The following CDH12 variants were observed in gnomAD, a reference collection of about 807,000 sequenced individuals.
CDH12 encodes cadherin 12.
A neutral mutation model predicts 74.1 loss-of-function variants in CDH12; 41 were observed. That is an observed-to-expected ratio of 0.55 (90% CI 0.43 to 0.72). CDH12 has a LOEUF of 0.72. Ranked by LOEUF, CDH12 falls within the 30% of genes least tolerant of loss-of-function variation. The pLI is 0.00. For missense variants in CDH12, 945 were observed against 977.2 expected (o/e 0.97, Z 0.44); for synonymous variants, 399 against 355.0 (o/e 1.12, Z -1.39).
At chr5:22,724,096 C>T (rs1281753343) in intron 1 of CDH12, among the ~76,000 whole-genome samples, 1 of 151,580 alleles carries the variant, frequency 6.6e-6, no homozygotes, top group African/African-American at 2.4e-5. Flanking sequence ...AACTTAGGTA[C>T]CCTGGAATTG....
intron 4 of CDH12, among the ~76,000 whole-genome samples, chr5:22,158,037 C>T (rs1748132140): frequency 1.3e-5 from 2 of 151,808 alleles, no homozygotes; most frequent in Admixed American, 1.3e-4. Flanking sequence ...GTACTCATAC[C>T]TAGTCATGAG....
intron 9 of CDH12, among the ~76,000 whole-genome samples, chr5:21,808,311 C>T (rs778426949): frequency 3.9e-5 from 6 of 151,962 alleles, no homozygotes; most frequent in Admixed American, 3.3e-4. Context: ...TCACTGTAGC[C>T]GTGGTTTTGT....
At chr5:22,615,816 T>G (rs990439658) in intron 1 of CDH12, among the ~76,000 whole-genome samples, 2 of 152,086 alleles carry the variant, frequency 1.3e-5, no homozygotes, top group Admixed American at 1.3e-4. Context: ...TACCAGATAA[T>G]GAATGTATGG....
intron 2 of CDH12, among the ~76,000 whole-genome samples, chr5:22,410,533 G>A (rs908315449): frequency 1.3e-5 from 2 of 151,976 alleles, no homozygotes; most frequent in African/African-American, 4.8e-5. Context: ...ACTTCTACAT[G>A]GCTATCTATA....
At chr5:21,776,141 T>A (rs1437765120) in intron 11 of CDH12, among the ~76,000 whole-genome samples, 1 of 152,212 alleles carries the variant, frequency 6.6e-6, no homozygotes, top group Non-Finnish European at 1.5e-5. Context: ...GCTGCCATGT[T>A]ACAAACTGCT....
chr5:22,721,766 T>C (rs1743904101), intron 1 of CDH12, among the ~76,000 whole-genome samples: 1 of 152,164 alleles, frequency 6.6e-6, no homozygotes, highest in East Asian at 1.9e-4. Context: ...GGCAGCTTTT[T>C]CCAATGCTGT....
At chr5:22,215,172 G>A (rs1385111452) in intron 3 of CDH12, among the ~76,000 whole-genome samples, 5 of 134,482 alleles carry the variant, frequency 3.7e-5, no homozygotes, top group African/African-American at 1.0e-4. Flanking sequence ...GCTCTGAGAA[G>A]TTAAGCAAAT....
At chr5:22,592,800 G>T (rs1374580319) in intron 1 of CDH12, among the ~76,000 whole-genome samples, 3 of 151,242 alleles carry the variant, frequency 2.0e-5, no homozygotes, top group Non-Finnish European at 4.4e-5. Context: ...CAGCACTTTG[G>T]GAGCGGATCA....
intron 1 of CDH12, among the ~76,000 whole-genome samples, chr5:22,644,852 C>G (rs1739353539): frequency 6.6e-6 from 1 of 151,928 alleles, no homozygotes; most frequent in African/African-American, 2.4e-5. Context: ...TTCTGAAAAT[C>G]CTAGGGCCTT....
At chr5:22,529,165 GTATATATA>G (rs375609140) in intron 1 of CDH12, among the ~76,000 whole-genome samples, 40 of 75,712 alleles carry the variant, frequency 5.3e-4, no homozygotes, top group African/African-American at 1.7e-3. Context: ...ATACACATGT[GTATATATA>G]TATATATATA....
At chr5:22,248,103 C>T (rs1753018364) in intron 3 of CDH12, among the ~76,000 whole-genome samples, 1 of 152,112 alleles carries the variant, frequency 6.6e-6, no homozygotes, top group African/African-American at 2.4e-5. Flanking sequence ...TCGAAACCAG[C>T]CTGGCCAACA....
chr5:22,751,175 G>A lies in CDH12; in HGVS notation c.-523+101883C>T, dbSNP rs186073704. Among the ~76,000 whole-genome samples, 340 of 151,630 alleles carry A rather than the reference G, an allele frequency of 2.2e-3. 1 individual carries two copies. Among genetic ancestry groups the A allele is most frequent in the African/African-American group, 7.9e-3 (329 of 41,390 alleles). On this transcript the variant is annotated intron_variant, in intron 1 of 14. Coordinates refer to ENST00000382254, the MANE Select transcript of CDH12 (RefSeq NM_004061.5). ...AATTTGCAGGAAAAGTAACGTTTGGGTAATACCTTAAAGAGGCGGCAAGAT... is the reference window on the plus strand; with the variant it reads ...AATTTGCAGGAAAAGTAACGTTTGGATAATACCTTAAAGAGGCGGCAAGAT...
intron 3 of CDH12, among the ~76,000 whole-genome samples, chr5:22,237,467 A>T (rs1004975609): frequency 2.6e-5 from 4 of 152,098 alleles, no homozygotes; most frequent in Admixed American, 1.3e-4. Flanking sequence ...AGGGCAGACA[A>T]ATGTGATGTG....
chr5:21,991,288 C>A (rs552042040), intron 5 of CDH12, among the ~76,000 whole-genome samples: 1 of 151,734 alleles, frequency 6.6e-6, no homozygotes, highest in African/African-American at 2.4e-5. Flanking sequence ...AATAGAGTAA[C>A]TCCATTTAAT....
chr5:22,230,293 T>A (rs1469480245), intron 3 of CDH12, among the ~76,000 whole-genome samples: 2 of 152,080 alleles, frequency 1.3e-5, no homozygotes, highest in Non-Finnish European at 2.9e-5. Context: ...TATTTATGAC[T>A]ACTTTCCAGT....
intron 5 of CDH12, among the ~76,000 whole-genome samples, chr5:22,004,999 T>G (rs901149210): frequency 6.6e-6 from 1 of 152,198 alleles, no homozygotes; most frequent in African/African-American, 2.4e-5. Flanking sequence ...GGATGGTATA[T>G]GTACCATATT....
intron 3 of CDH12, among the ~76,000 whole-genome samples, chr5:22,373,277 C>A (rs1479627213): frequency 3.3e-5 from 5 of 152,174 alleles, no homozygotes; most frequent in Admixed American, 6.5e-5. Context: ...CTGGCATGAG[C>A]CACCTGTGTG....
chr5:22,745,153 G>A (rs1745228600), intron 1 of CDH12, among the ~76,000 whole-genome samples: 1 of 151,850 alleles, frequency 6.6e-6, no homozygotes, highest in African/African-American at 2.4e-5. Flanking sequence ...ATAAAGTCAG[G>A]AAAATCACGT....
intron 3 of CDH12, among the ~76,000 whole-genome samples, chr5:22,244,735 G>GA (rs1561250971): frequency 4.5e-4 from 51 of 112,360 alleles, no homozygotes; most frequent in African/African-American, 1.6e-3. Context: ...GAAAAAGAAA[G>GA]AAAGAAAAGA....
Sources: gnomAD v4.1 joint callset for allele counts (sites outside exome capture counted in the v4.1 genomes callset) on GRCh38, gnomAD v4.1.1 for gene constraint, MANE v1.5 for transcripts, NCBI Gene and HGNC (gene_info 2026-07-23, HGNC 2026-07-21) for gene names.